Variants in ABI2 observed in about 807,000 individuals in gnomAD.
ABI2 encodes abl interactor 2.
In ABI2, 25 loss-of-function variants were observed where a neutral mutation model predicts 59.2. The observed-to-expected ratio is 0.42, with a 90% CI of 0.31 to 0.59. The LOEUF is 0.59. Among genes scored for constraint, ABI2 ranks in the 20% least tolerant of loss-of-function variants. The pLI is 0.14. For missense variants in ABI2, 545 were observed against 681.8 expected (o/e 0.80, Z 2.23); for synonymous variants, 213 against 235.5 (o/e 0.90, Z 0.87).
intron 11 of ABI2, among the ~76,000 whole-genome samples, chr2:203,424,090 C>T (rs1037677363): frequency 2.6e-5 from 4 of 152,160 alleles, no homozygotes; most frequent in Admixed American, 2.6e-4. Flanking sequence ...GCGTGATATA[C>T]ATGCATAATT....
chr2:203,368,984 A>AATTTTTTTTTTTTTTTTTTT lies in ABI2; in HGVS notation c.285+1940_285+1941insATTTTTTTTTTTTTTTTTTT, dbSNP rs1312712237. Among the ~76,000 whole-genome samples, 10 of 91,118 alleles carry AATTTTTTTTTTTTTTTTTTT rather than the reference A, an allele frequency of 1.1e-4. 5 individuals are homozygous for AATTTTTTTTTTTTTTTTTTT. Among genetic ancestry groups the AATTTTTTTTTTTTTTTTTTT allele is most frequent in the African/African-American group, 1.8e-4 (4 of 22,452 alleles). 59.8% of individuals were successfully genotyped at this position (91,118 alleles called of 152,430 possible). On this transcript the variant is annotated intron_variant, in intron 2 of 11. Coordinates refer to ENST00000261018, the MANE Select transcript of ABI2 (RefSeq NM_001375670.1). The stretch of plus-strand genomic sequence containing the variant: ...TACAGGCACGTGCCATGCTTGGCTG[A>AATTTTTTTTTTTTTTTTTTT]TTTTTTTTTTTTTTTTTTTTTTTTT...
intron 1 of ABI2, among the ~76,000 whole-genome samples, chr2:203,335,963 A>T (rs531264710): frequency 1.3e-5 from 2 of 152,246 alleles, no homozygotes; most frequent in South Asian, 4.2e-4. Flanking sequence ...TCCCTCCACT[A>T]CTAGCCTTTG....
chr2:203,337,945 G>C (rs575521259), intron 1 of ABI2, among the ~76,000 whole-genome samples: 1 of 152,158 alleles, frequency 6.6e-6, no homozygotes, highest in Admixed American at 6.5e-5. Context: ...TGGGAGAATC[G>C]CTTGAACCCA....
intron 1 of ABI2, among the ~76,000 whole-genome samples, chr2:203,344,942 T>C (rs577933604): frequency 6.6e-6 from 1 of 151,900 alleles, no homozygotes; most frequent in South Asian, 2.1e-4. Context: ...GACCAACCAG[T>C]GCTCTGTAAA....
At chr2:203,367,205 G>T in intron 2 of ABI2, 161 bp downstream of exon 2, 1 of 984,830 alleles carries the variant, frequency 1.0e-6, no homozygotes, top group Non-Finnish European at 1.3e-6. Context: ...GTCTTTTTGT[G>T]GGATGGTTAT....
At chr2:203,405,476 G>A (rs1379602228) in intron 9 of ABI2, among the ~76,000 whole-genome samples, 1 of 152,062 alleles carries the variant, frequency 6.6e-6, no homozygotes, top group Non-Finnish European at 1.5e-5. Context: ...GTTGAACCTA[G>A]GAGATGGAAG....
chr2:203,407,987 G>A (rs1314913339), intron 9 of ABI2, among the ~76,000 whole-genome samples: 19 of 152,208 alleles, frequency 1.2e-4, no homozygotes, highest in Admixed American at 1.0e-3. Context: ...AATTAATTTC[G>A]ACCACCTTAT....
chr2:203,342,439 A>T (rs1212945331), intron 1 of ABI2, among the ~76,000 whole-genome samples: 1 of 152,204 alleles, frequency 6.6e-6, no homozygotes, highest in African/African-American at 2.4e-5. Context: ...CTACGAAACA[A>T]AGTTGAATAG....
chr2:203,404,301 G>A (rs578215274), intron 9 of ABI2, among the ~76,000 whole-genome samples: 3 of 152,162 alleles, frequency 2.0e-5, no homozygotes, highest in African/African-American at 7.2e-5. Flanking sequence ...GGTCCCTCTC[G>A]TAAATTAAGT....
intron 1 of ABI2, among the ~76,000 whole-genome samples, chr2:203,330,052 A>G (rs1423614435): frequency 1.3e-5 from 2 of 152,154 alleles, no homozygotes. Context: ...TATATAGGAA[A>G]GCATTTTCAT....
intron 1 of ABI2, among the ~76,000 whole-genome samples, chr2:203,342,764 C>T (rs1311480997): frequency 6.6e-6 from 1 of 151,774 alleles, no homozygotes; most frequent in Non-Finnish European, 1.5e-5. Context: ...GCCCTCAAAA[C>T]CTTTTATTCT....
intron 4 of ABI2, among the ~76,000 whole-genome samples, chr2:203,386,792 C>T (rs1414482349): frequency 2.0e-5 from 3 of 151,938 alleles, no homozygotes; most frequent in Non-Finnish European, 4.4e-5. Flanking sequence ...GCATCTGCCA[C>T]CATGCCCGGC....
rs775475305 is a variant in ABI2, at chr2:203,351,710, A to T, written c.118-15167A>T. On this transcript the variant is annotated intron_variant, in intron 1 of 11. Coordinates refer to ENST00000261018, the MANE Select transcript of ABI2 (RefSeq NM_001375670.1). ...GCTACTGTGCCCGGCTGATTTTCGT[A>T]TTTTTTGTAGAGCCAGCATCTCACT... 3 of 299,968 alleles carry T rather than the reference A, an allele frequency of 1.0e-5. No homozygotes were observed. The East Asian group carries it at 3.6e-4, about 36-fold the overall frequency. 18.6% of individuals were successfully genotyped at this position (299,968 alleles called of 1,614,324 possible). A position where few individuals can be genotyped will look rare whatever the true frequency, so the allele number is the denominator to read the frequency against.
chr2:203,392,317 A>ACCACCACCACCAC (rs1559313290), intron 5 of ABI2, among the ~76,000 whole-genome samples: 5 of 108,590 alleles, frequency 4.6e-5, no homozygotes, highest in Non-Finnish European at 9.5e-5. Context: ...ACCACCACCA[A>ACCACCACCACCAC]CAACAACAAC....
At chr2:203,365,744 C>G (rs1194866088) in intron 1 of ABI2, among the ~76,000 whole-genome samples, 1 of 149,514 alleles carries the variant, frequency 6.7e-6, no homozygotes, top group Non-Finnish European at 1.5e-5. Flanking sequence ...GTTCTCCTAC[C>G]TCAGCCTCCT....
At chr2:203,392,259 C>T (rs1386743625) in intron 5 of ABI2, among the ~76,000 whole-genome samples, 2 of 150,146 alleles carry the variant, frequency 1.3e-5, no homozygotes, top group East Asian at 1.9e-4. Flanking sequence ...TTTTGGCTTC[C>T]TCAGCACCAC....
chr2:203,340,975 A>G (rs1164209205), intron 1 of ABI2, among the ~76,000 whole-genome samples: 1 of 152,190 alleles, frequency 6.6e-6, no homozygotes, highest in Non-Finnish European at 1.5e-5. Context: ...TTTCTTGAAC[A>G]TACCAGGCAT....
chr2:203,338,814 G>T (rs989738128), intron 1 of ABI2, among the ~76,000 whole-genome samples: 4 of 150,106 alleles, frequency 2.7e-5, no homozygotes. Context: ...AAACTAAAAG[G>T]CTTCTGCACA....
chr2:203,354,728 T>C (rs140487294), intron 1 of ABI2, among the ~76,000 whole-genome samples: 118 of 152,334 alleles, frequency 7.7e-4, no homozygotes, highest in African/African-American at 2.4e-3. Context: ...AGGTGATACT[T>C]GTATATGCAA....
Sources: gnomAD v4.1 joint callset for allele counts (sites outside exome capture counted in the v4.1 genomes callset) on GRCh38, gnomAD v4.1.1 for gene constraint, MANE v1.5 for transcripts, NCBI Gene and HGNC (gene_info 2026-07-23, HGNC 2026-07-21) for gene names.